Variants in PEX7 observed in about 807,000 individuals in gnomAD.
The protein encoded by PEX7 is PTS2 receptor.
PEX7 carries 34 observed loss-of-function variants against 47.5 expected under a neutral mutation model. The ratio of observed to expected loss-of-function variants is 0.72; its 90% CI spans 0.54 to 0.95. PEX7 has a LOEUF of 0.95. PEX7 is among the 40% of genes least tolerant of loss of function. The probability of loss-of-function intolerance (pLI) is 0.00; values close to 1 mark genes in which losing one functional copy is unlikely to be tolerated. For synonymous variants in PEX7, 141 were observed against 148.8 expected (o/e 0.95, Z 0.38); for missense variants, 394 against 400.3 (o/e 0.98, Z 0.13).
intron 3 of PEX7, among the ~76,000 whole-genome samples, chr6:136,828,655 T>C (rs1308683486): frequency 6.6e-6 from 1 of 152,234 alleles, no homozygotes; most frequent in Non-Finnish European, 1.5e-5. Context: ...TAGCCTCCTT[T>C]GATAATCCTG....
At chr6:136,909,854 G>T (rs1006649608) in intron 9 of PEX7, among the ~76,000 whole-genome samples, 2 of 152,038 alleles carry the variant, frequency 1.3e-5, no homozygotes, top group African/African-American at 4.8e-5. Flanking sequence ...GCCGAATAAG[G>T]TTTCAGAAAC....
Position 136,826,312 on chromosome 6 carries a change from A to G in PEX7, c.189-7A>G, listed in dbSNP as rs2115131688. On this transcript the variant is annotated splice_polypyrimidine_tract_variant and splice_region_variant and intron_variant, in intron 2 of 9. Transcript: ENST00000318471. ...ATTTTTTTGTTGTTTGTTTTTTCCT[A>G]GTGTAGCTTTGACTGGAATGATGGT... 2 of 1,613,538 alleles carry G rather than the reference A, an allele frequency of 1.2e-6. No homozygotes were observed. The highest frequency in any genetic ancestry group is 1.7e-6 in the Non-Finnish European group (2 of 1,179,940).
chr6:136,904,993 G>A (rs372641068), intron 9 of PEX7, among the ~76,000 whole-genome samples: 5 of 152,166 alleles, frequency 3.3e-5, no homozygotes, highest in Admixed American at 6.5e-5. Flanking sequence ...TTGGGCTCTT[G>A]GTCCTACTCA....
chr6:136,847,288 G>A (rs1181483277), intron 5 of PEX7, among the ~76,000 whole-genome samples: 1 of 152,008 alleles, frequency 6.6e-6, no homozygotes, highest in East Asian at 1.9e-4. Flanking sequence ...CTCCCATTTC[G>A]TAGGTTGCCT....
intron 8 of PEX7, among the ~76,000 whole-genome samples, chr6:136,886,975 A>G (rs1372027107): frequency 6.6e-6 from 1 of 152,112 alleles, no homozygotes; most frequent in Non-Finnish European, 1.5e-5. Flanking sequence ...ACTTGAGCCC[A>G]GGAGATGGAA....
intron 4 of PEX7, among the ~76,000 whole-genome samples, 178 bp downstream of exon 4, chr6:136,845,870 AACT>A (rs1386774312): frequency 1.3e-5 from 2 of 152,202 alleles, no homozygotes; most frequent in African/African-American, 4.8e-5. Context: ...TTTGGCTGTG[AACT>A]AATAGTTAGC....
intron 8 of PEX7, among the ~76,000 whole-genome samples, chr6:136,888,363 G>T (rs1775502609): frequency 6.6e-6 from 1 of 152,110 alleles, no homozygotes; most frequent in Non-Finnish European, 1.5e-5. Flanking sequence ...AACATTTGCA[G>T]GAACTACAGT....
At chr6:136,898,829 T>C (rs1775699463) in intron 9 of PEX7, among the ~76,000 whole-genome samples, 1 of 152,042 alleles carries the variant, frequency 6.6e-6, no homozygotes, top group African/African-American at 2.4e-5. Flanking sequence ...TAAAAAAGCC[T>C]TTTCATTTTA....
chr6:136,910,273 C>CTT (rs1320061427), intron 9 of PEX7, among the ~76,000 whole-genome samples: 2 of 152,134 alleles, frequency 1.3e-5, no homozygotes, highest in African/African-American at 4.8e-5. Flanking sequence ...GAAGACAACT[C>CTT]TTTGTCTTCA....
At chr6:136,858,253 A>G (rs1311567249) in intron 5 of PEX7, among the ~76,000 whole-genome samples, 3 of 152,214 alleles carry the variant, frequency 2.0e-5, no homozygotes, top group Non-Finnish European at 2.9e-5. Flanking sequence ...CTTATGGACA[A>G]GTAAGAGGAA....
At chr6:136,906,897 G>A (rs1775854645) in intron 9 of PEX7, among the ~76,000 whole-genome samples, 1 of 152,130 alleles carries the variant, frequency 6.6e-6, no homozygotes, top group Admixed American at 6.5e-5. Context: ...TCAAGAGGAA[G>A]CCCATTAATT....
intron 8 of PEX7, among the ~76,000 whole-genome samples, chr6:136,878,673 A>G (rs1775321349): frequency 6.6e-6 from 1 of 152,072 alleles, no homozygotes; most frequent in African/African-American, 2.4e-5. Context: ...TGTTCTAGGT[A>G]TGTTTTTGTA....
chr6:136,859,037 G>A (rs1774912492), intron 5 of PEX7, among the ~76,000 whole-genome samples: 2 of 152,112 alleles, frequency 1.3e-5, no homozygotes, highest in Admixed American at 6.5e-5. Context: ...TAATCCTGTT[G>A]CACACATGTA....
At chr6:136,865,695 T>A (rs1370623208) in intron 5 of PEX7, among the ~76,000 whole-genome samples, 1 of 152,080 alleles carries the variant, frequency 6.6e-6, no homozygotes, top group South Asian at 2.1e-4. Context: ...TGAGAATTGC[T>A]TGAACCCAGG....
chr6:136,823,105 G>A lies in PEX7; in HGVS notation c.130+310G>A, dbSNP rs151158796. 2.6e-3 allele frequency: 2,597 copies of A among 985,438 alleles called. 65 individuals carry two copies. In the African/African-American group the frequency reaches 0.04, roughly 15 times the overall value. The allele number at this position is 985,438 out of a possible 1,614,324, so 61.0% of individuals were successfully genotyped here. A position where few individuals can be genotyped will look rare whatever the true frequency, so the allele number is the denominator to read the frequency against. ...GTCACACGCCCAGGCACACGTCCCCGTAGGGAGAGCCGGGGGAGCCTGCGC... is the reference window on the plus strand; with the variant it reads ...GTCACACGCCCAGGCACACGTCCCCATAGGGAGAGCCGGGGGAGCCTGCGC... On this transcript the variant is annotated intron_variant, in intron 1 of 9. Coordinates refer to ENST00000318471, the MANE Select transcript of PEX7 (RefSeq NM_000288.4).
chr6:136,830,095 G>A, intron 3 of PEX7: 1 of 701,776 alleles, frequency 1.4e-6, no homozygotes, highest in South Asian at 1.6e-5. Flanking sequence ...AAGACGTATA[G>A]CATGGTTTTA....
chr6:136,839,136 G>A (rs576911540), intron 3 of PEX7, among the ~76,000 whole-genome samples: 179 of 152,132 alleles, frequency 1.2e-3, no homozygotes, highest in Non-Finnish European at 2.1e-3. Context: ...AGCTGTGCTC[G>A]TTCGTGGCAC....
intron 6 of PEX7, among the ~76,000 whole-genome samples, chr6:136,868,240 A>T (rs1775110454): frequency 6.6e-6 from 1 of 152,206 alleles, no homozygotes; most frequent in Non-Finnish European, 1.5e-5. Context: ...AAATTGCCTA[A>T]TGCCACATTT....
Position 136,900,818 on chromosome 6 carries a change from C to G in PEX7, c.903+2577C>G, listed in dbSNP as rs1318471560. ...CCTTTGCCAACAGCTTTCTTCTCAG[C>G]CTGGGCCAAGTCTCTGCCTCTTCTC... On this transcript the variant is annotated intron_variant, in intron 9 of 9. Transcript: ENST00000318471. The surrounding 1 kb of genome is among the most constrained non-coding windows in gnomAD (Gnocchi z 4.2). 2 of 332,132 alleles carry G rather than the reference C, an allele frequency of 6.0e-6. No homozygotes were observed. Among genetic ancestry groups the G allele is most frequent in the East Asian group, 9.2e-5 (1 of 10,904 alleles). The allele number at this position is 332,132 out of a possible 1,614,324, so 20.6% of individuals were successfully genotyped here. A position where few individuals can be genotyped will look rare whatever the true frequency, so the allele number is the denominator to read the frequency against.
Sources: gnomAD v4.1 joint callset for allele counts (sites outside exome capture counted in the v4.1 genomes callset) on GRCh38, gnomAD v4.1.1 for gene constraint, Gnocchi (gnomAD v3.1) non-coding constraint, MANE v1.5 for transcripts, NCBI Gene and HGNC (gene_info 2026-07-23, HGNC 2026-07-21) for gene names.